The following ZNF385D variants were observed in gnomAD, a reference collection of about 807,000 sequenced individuals.
The protein encoded by ZNF385D is zinc finger protein 659.
Under a neutral mutation model 35.8 loss-of-function variants are expected in ZNF385D, and 15 were observed. The observed-to-expected ratio is 0.42, with a 90% CI of 0.28 to 0.64. The LOEUF (loss-of-function observed/expected upper bound fraction) is 0.64, where lower values mean the gene tolerates loss of function less well. ZNF385D is among the 30% of genes least tolerant of loss of function. ZNF385D has a pLI of 0.23. For synonymous variants in ZNF385D, 212 were observed against 186.8 expected (o/e 1.13, Z -1.10); for missense variants, 474 against 494.6 (o/e 0.96, Z 0.39).
intron 3 of ZNF385D, among the ~76,000 whole-genome samples, chr3:21,882,133 A>G (rs1363536767): frequency 6.6e-6 from 1 of 152,078 alleles, no homozygotes; most frequent in Non-Finnish European, 1.5e-5. Context: ...GCAGAGTTTC[A>G]GAGGACTGAC....
chr3:21,615,375 A>T (rs781276725), intron 2 of ZNF385D, among the ~76,000 whole-genome samples: 4 of 152,172 alleles, frequency 2.6e-5, no homozygotes, highest in Non-Finnish European at 5.9e-5. Context: ...GCAGAACTGT[A>T]AGGCAAATAA....
intron 4 of ZNF385D, among the ~76,000 whole-genome samples, chr3:21,490,567 G>A (rs564924774): frequency 6.6e-6 from 1 of 152,212 alleles, no homozygotes; most frequent in East Asian, 1.9e-4. Flanking sequence ...TACAGCTTCA[G>A]CCTAGCTGTC....
At position 21,761,869 on chromosome 3, in the gene ZNF385D, C is replaced by T. The variant is rs868721134; in HGVS notation, c.326-96841G>A. On this transcript the variant is annotated intron_variant, in intron 3 of 5. Transcript: ENST00000494108. ...TTATGATTTCAAGAGCATTTTCTTC[C>T]TTTTTTTTTTTTTTTTTTTTTTTTT... is the stretch of plus-strand genomic sequence containing the variant. Among the ~76,000 whole-genome samples the T allele has an allele frequency of 2.1e-3, 161 of 77,222 alleles. 2 individuals are homozygous for T. The highest frequency in any genetic ancestry group is 0.031 in the Middle Eastern group (2 of 64). 50.7% of individuals were successfully genotyped at this position (77,222 alleles called of 152,430 possible).
At chr3:21,548,095 C>A (rs1018176761) in intron 3 of ZNF385D, among the ~76,000 whole-genome samples, 3 of 152,150 alleles carry the variant, frequency 2.0e-5, no homozygotes, top group African/African-American at 7.2e-5. Flanking sequence ...TAACAGGGGA[C>A]TCTGGCCTTG....
chr3:22,338,189 A>T lies in ZNF385D; in HGVS notation c.106+34261T>A, dbSNP rs889892995. On this transcript the variant is annotated intron_variant, in intron 2 of 5. Coordinates refer to the ZNF385D transcript ENST00000494108. The stretch of plus-strand genomic sequence containing the variant: ...AAGAGACCTGCAATAGATCTCTTTT[A>T]AGTAATTATCTCAATGTTTTCCTTA... Among the ~76,000 whole-genome samples the T allele has an allele frequency of 2.6e-5, 4 of 152,196 alleles. No homozygotes were observed. The East Asian group carries it at 7.7e-4, about 29-fold the overall frequency.
intron 3 of ZNF385D, among the ~76,000 whole-genome samples, chr3:22,043,457 G>T (rs1347861270): frequency 1.3e-5 from 2 of 152,032 alleles, no homozygotes; most frequent in African/African-American, 2.4e-5. Flanking sequence ...TAAAACAAAG[G>T]AAAGTATAAT....
chr3:22,174,408 AACAG>A (rs548897339), intron 2 of ZNF385D, among the ~76,000 whole-genome samples: 227 of 152,336 alleles, frequency 1.5e-3, no homozygotes, highest in African/African-American at 5.3e-3. Context: ...GACAGCCACT[AACAG>A]ACAGTTTAGT....
chr3:21,723,097 C>T (rs974355513), intron 1 of ZNF385D, among the ~76,000 whole-genome samples: 1 of 152,074 alleles, frequency 6.6e-6, no homozygotes, highest in African/African-American at 2.4e-5. Flanking sequence ...CAAAGGAAAG[C>T]TAACAAAGAG....
intron 2 of ZNF385D, among the ~76,000 whole-genome samples, chr3:22,220,047 AT>A (rs1698156296): frequency 6.9e-6 from 1 of 145,344 alleles, no homozygotes; most frequent in Non-Finnish European, 1.5e-5. Context: ...GATTACTTCT[AT>A]TTTCTTTCTT....
intron 1 of ZNF385D, among the ~76,000 whole-genome samples, chr3:21,735,176 C>A (rs1221055992): frequency 7.2e-5 from 11 of 152,158 alleles, no homozygotes; most frequent in Non-Finnish European, 1.0e-4. Flanking sequence ...TCTTGTTCCT[C>A]CACACTCTAT....
At chr3:22,264,771 T>C (rs1170744939) in intron 2 of ZNF385D, among the ~76,000 whole-genome samples, 1 of 152,018 alleles carries the variant, frequency 6.6e-6, no homozygotes, top group East Asian at 1.9e-4. Context: ...CACCCAGCAA[T>C]GAACTGCATT....
At chr3:21,885,954 G>A (rs1698526103) in intron 3 of ZNF385D, among the ~76,000 whole-genome samples, 2 of 152,054 alleles carry the variant, frequency 1.3e-5, no homozygotes, top group South Asian at 2.1e-4. Flanking sequence ...CCACCCATAT[G>A]TGAAGAATGA....
At chr3:22,096,630 G>A (rs1002089810) in intron 3 of ZNF385D, among the ~76,000 whole-genome samples, 1 of 151,984 alleles carries the variant, frequency 6.6e-6, no homozygotes, top group Admixed American at 6.6e-5. Context: ...GGCACCTATA[G>A]TTTGCCTGCA....
chr3:22,274,219 C>G (rs904508328), intron 2 of ZNF385D, among the ~76,000 whole-genome samples: 2 of 151,702 alleles, frequency 1.3e-5, no homozygotes, highest in Non-Finnish European at 2.9e-5. Flanking sequence ...GAAAGAAGAA[C>G]AAAGAATGTA....
rs143218687 is a variant in ZNF385D at position 22,199,805 on chromosome 3, A to G, written c.107-30770T>C. Among the ~76,000 whole-genome samples the G allele has an allele frequency of 5.5e-3, 841 of 152,240 alleles. 3 individuals are homozygous for G. The highest frequency in any genetic ancestry group is 8.7e-3 in the Non-Finnish European group (591 of 68,000). ...AATTAATACCCAGTCAACAAAATAT[A>G]TGCATATATGTGGTGTATACGTAAA... is the stretch of plus-strand genomic sequence containing the variant. On this transcript the variant is annotated intron_variant, in intron 2 of 5. Coordinates refer to the ZNF385D transcript ENST00000494108.
intron 2 of ZNF385D, among the ~76,000 whole-genome samples, chr3:22,351,248 T>C (rs1695902970): frequency 6.6e-6 from 1 of 152,166 alleles, no homozygotes. Context: ...TAAATGAATA[T>C]GCTGCATTCT....
rs183101617 is a variant in ZNF385D, at chr3:21,891,103, G to A, written c.326-226075C>T. Among the ~76,000 whole-genome samples the A allele has an allele frequency of 5.0e-3, 759 of 152,194 alleles. 9 individuals carry two copies. The highest frequency in any genetic ancestry group is 0.017 in the African/African-American group (713 of 41,540). ...TTATAATTTCATCATTTGCAAAATG[G>A]TTAAAGTAATACTCTATAAGATTTT... On this transcript the variant is annotated intron_variant, in intron 3 of 5. Coordinates refer to the ZNF385D transcript ENST00000494108.
intron 3 of ZNF385D, among the ~76,000 whole-genome samples, chr3:21,950,517 T>C (rs1372007226): frequency 6.6e-6 from 1 of 151,812 alleles, no homozygotes; most frequent in Non-Finnish European, 1.5e-5. Context: ...TTCACTCTGA[T>C]GATAGTTTCT....
chr3:21,839,805 G>T (rs1015392156), intron 3 of ZNF385D, among the ~76,000 whole-genome samples: 12 of 151,932 alleles, frequency 7.9e-5, no homozygotes, highest in Non-Finnish European at 1.5e-4. Context: ...ACCTGCACTT[G>T]ACCCTCATTA....
Sources: allele counts gnomAD v4.1 joint callset (sites outside exome capture counted in the v4.1 genomes callset), GRCh38; gene constraint gnomAD v4.1.1; transcripts MANE v1.5; gene names NCBI Gene and HGNC (gene_info 2026-07-23, HGNC 2026-07-21).